GAR1: variants seen among roughly 807,000 people sequenced by gnomAD.
GAR1 encodes the protein GAR1 ribonucleoprotein, also known as H/ACA ribonucleoprotein complex subunit 1.
Under a neutral mutation model 29.3 loss-of-function variants are expected in GAR1, and 11 were observed. The observed-to-expected ratio is 0.38, with a 90% confidence interval of 0.24 to 0.62. GAR1 has a LOEUF of 0.62. Ranked by LOEUF, GAR1 falls within the 20% of genes least tolerant of loss-of-function variation. The pLI, the probability that GAR1 is intolerant of heterozygous loss-of-function variation, is 0.62. For missense variants in GAR1, 237 were observed against 268.4 expected (o/e 0.88, Z 0.82); for synonymous variants, 87 against 93.3 (o/e 0.93, Z 0.39).
At chr4:109,819,385 A>G in intron 4 of GAR1, 1 of 318,602 alleles carries the variant, frequency 3.1e-6, no homozygotes, top group Non-Finnish European at 5.8e-6. Flanking sequence ...TAATTTGTAA[A>G]ACTTACGTTA....
intron 2 of GAR1, among the ~76,000 whole-genome samples, chr4:109,816,697 T>C (rs1733362953): frequency 6.6e-6 from 1 of 152,178 alleles, no homozygotes; most frequent in South Asian, 2.1e-4. Context: ...CAATTAGTGA[T>C]ATAGCTGAAA....
intron 4 of GAR1, 197 bp downstream of exon 4, chr4:109,819,257 A>G: frequency 1.7e-6 from 1 of 577,550 alleles, no homozygotes; most frequent in South Asian, 2.1e-5. Flanking sequence ...TAGAAAGTAA[A>G]AATTACAACT....
Position 109,816,260 on chromosome 4 carries a change from A to C in GAR1, c.96A>C (p.Gly32=). ...RGGSSNHFRG[G]GGGGGGGNFR... Reference sequence around the variant, plus strand: ...GCAGCAGCAACCACTTCCGAGGTGGAGGCGGCGGTGGAGGCGGCGGCAATT... The same window carrying C: ...GCAGCAGCAACCACTTCCGAGGTGGCGGCGGCGGTGGAGGCGGCGGCAATT... Residue 32 remains glycine (G), a synonymous_variant, in exon 2 of 7, where the codon GGA becomes GGC. Transcript: ENST00000226796. The C allele has an allele frequency of 6.2e-7, 1 of 1,604,314 alleles. No individual in the cohort carries two copies. The highest frequency in any genetic ancestry group is 8.5e-7 in the Non-Finnish European group (1 of 1,175,376).
rs1231453746 is a variant in GAR1, at chr4:109,816,353, C to T, written c.189C>T (p.Asp63=). The T allele has an allele frequency of 6.2e-7, 1 of 1,613,898 alleles. No homozygotes were observed. Among genetic ancestry groups the T allele is most frequent in the Non-Finnish European group, 8.5e-7 (1 of 1,179,982 alleles). The change falls in exon 2 of 7, where the codon GAC becomes GAT. Residue 63 remains aspartate (D), a synonymous_variant. Transcript: ENST00000226796. ...GCGGAGGCTTTAACAAAGGCCAAGACCAAGGACCTCCAGAACGTGTAGTCT... is the reference window on the plus strand; with the variant it reads ...GCGGAGGCTTTAACAAAGGCCAAGATCAAGGACCTCCAGAACGTGTAGTCT... The part of the protein sequence containing the change: ...GGRGGFNKGQ[D]QGPPERVVLL...
Position 109,815,786 on chromosome 4 carries a change from A to G in GAR1, c.-31A>G. 1 of 257,528 alleles carries G rather than the reference A, an allele frequency of 3.9e-6. No individual in the cohort carries two copies. Among genetic ancestry groups the G allele is most frequent in the Non-Finnish European group, 7.5e-6 (1 of 133,394 alleles). 16.0% of individuals were successfully genotyped at this position (257,528 alleles called of 1,614,324 possible). On this transcript the variant is annotated 5_prime_UTR_variant, in exon 1 of 7. Transcript: ENST00000226796. ...TGGGTGTGTGCGCAAGGCCAGGGCCAGAGGGGCACGTGGCGCCGGTGAGTG... is the reference window on the plus strand; with the variant it reads ...TGGGTGTGTGCGCAAGGCCAGGGCCGGAGGGGCACGTGGCGCCGGTGAGTG...
intron 5 of GAR1, among the ~76,000 whole-genome samples, chr4:109,823,519 C>T (rs1191374481): frequency 1.3e-5 from 2 of 152,062 alleles, no homozygotes; most frequent in African/African-American, 4.8e-5. Context: ...TTAATCTTAA[C>T]TATCATATTT....
intron 3 of GAR1, 78 bp from the exon 4 acceptor site, chr4:109,818,923 G>T: frequency 2.8e-6 from 2 of 710,624 alleles, no homozygotes; most frequent in South Asian, 1.7e-5. Context: ...CCTTGTTTTT[G>T]AAATTATACA....
chr4:109,815,842 G>C lies in GAR1; in HGVS notation c.-13+38G>C, dbSNP rs1733332760. The C allele has an allele frequency of 1.4e-5, 5 of 350,116 alleles. No individual in the cohort carries two copies. In the South Asian group the frequency reaches 1.8e-4, roughly 13 times the overall value. The allele number at this position is 350,116 out of a possible 1,614,324, so 21.7% of individuals were successfully genotyped here. On this transcript the variant is annotated intron_variant, in intron 1 of 6. Transcript: ENST00000226796. ...AGAAGCCGGAGGATTTGAAAATGCT[G>C]GACGTGGAACCCAACTGCCGGAGGG... is the stretch of plus-strand genomic sequence containing the variant.
In GAR1 at chr4:109,824,413, A is replaced by C. The variant is rs756918571; in HGVS notation, c.641-5A>C. 6.3e-7 allele frequency: 1 copy of C among 1,581,810 alleles called. No homozygotes were observed. Among genetic ancestry groups the C allele is most frequent in the Non-Finnish European group, 8.7e-7 (1 of 1,150,924 alleles). On this transcript the variant is annotated splice_polypyrimidine_tract_variant and splice_region_variant and intron_variant, in intron 6 of 6. Coordinates refer to ENST00000226796, the MANE Select transcript of GAR1 (RefSeq NM_018983.4). ...CCCTTAATACTTTAATTTTCTCTTA[A>C]TCAGGGAGAGGACATTAAGTGAAAC...
chr4:109,819,240 C>T, intron 4 of GAR1, 180 bp downstream of exon 4: 2 of 620,908 alleles, frequency 3.2e-6, no homozygotes, highest in Non-Finnish European at 5.7e-6. Context: ...TTATTTGATA[C>T]AGCCTTTAGA....
At chr4:109,817,416 A>G (rs567072128) in intron 2 of GAR1, among the ~76,000 whole-genome samples, 1 of 152,320 alleles carries the variant, frequency 6.6e-6, no homozygotes, top group Admixed American at 6.5e-5. Context: ...CCTTGAAAAC[A>G]ATGAATCATT....
chr4:109,816,006 G>T, intron 1 of GAR1, 147 bp from the exon 2 acceptor site: 1 of 773,148 alleles, frequency 1.3e-6, no homozygotes. Flanking sequence ...CACCCATCAG[G>T]TTGGTGGTCA....
chr4:109,823,730 G>A (rs970290235), intron 5 of GAR1, among the ~76,000 whole-genome samples: 27 of 152,134 alleles, frequency 1.8e-4, no homozygotes, highest in Middle Eastern at 3.4e-3. Flanking sequence ...GGAATAATCT[G>A]GGGTTTTAGC....
At position 109,816,309 on chromosome 4, in the gene GAR1, T is replaced by C. The variant is rs1179902538; in HGVS notation, c.145T>C (p.Phe49Leu). The C allele has an allele frequency of 6.2e-7, 1 of 1,612,604 alleles. No individual in the cohort carries two copies. The highest frequency in any genetic ancestry group is 8.5e-7 in the Non-Finnish European group (1 of 1,179,508). Residue 49 changes from phenylalanine (F) to leucine (L), a missense_variant, in exon 2 of 7, where the codon TTT becomes CTT. Coordinates refer to ENST00000226796, the MANE Select transcript of GAR1 (RefSeq NM_018983.4). ...GNFRGGGRGG[F>L]GRGGGRGGFN... ...TTTCAGAGGCGGCGGCAGGGGAGGATTTGGACGAGGGGGTGGCCGCGGAGG... is the reference window on the plus strand; with the variant it reads ...TTTCAGAGGCGGCGGCAGGGGAGGACTTGGACGAGGGGGTGGCCGCGGAGG...
At chr4:109,816,110 G>T in intron 1 of GAR1, 43 bp from the exon 2 acceptor site, 11 of 1,566,648 alleles carry the variant, frequency 7.0e-6, no homozygotes, top group Non-Finnish European at 9.7e-6. Context: ...TATACTCAGA[G>T]GCTACAGTGA....
At chr4:109,823,317 C>T (rs1290260142) in intron 5 of GAR1, among the ~76,000 whole-genome samples, 1 of 152,132 alleles carries the variant, frequency 6.6e-6, no homozygotes, top group African/African-American at 2.4e-5. Context: ...TGGCGTTTCT[C>T]AATTTAATCA....
chr4:109,817,768 T>A (rs1007182616), intron 2 of GAR1, among the ~76,000 whole-genome samples, 168 bp from the exon 3 acceptor site: 17 of 152,210 alleles, frequency 1.1e-4, no homozygotes, highest in Non-Finnish European at 2.2e-4. Context: ...GCTAGTGTGT[T>A]GTGGAGTTGG....
At position 109,816,241 on chromosome 4, in the gene GAR1, G is replaced by A. The variant is rs1733346764; in HGVS notation, c.77G>A (p.Ser26Asn). Residue 26 changes from serine (S) to asparagine (N), a missense_variant, in exon 2 of 7, where the codon AGC becomes AAC. Ser to Asn is a conservative substitution (Grantham distance 46). Coordinates refer to ENST00000226796, the MANE Select transcript of GAR1 (RefSeq NM_018983.4). ...GGCGGCTTCAACCGAGGTGGCAGCA[G>A]CAACCACTTCCGAGGTGGAGGCGGC... The part of the protein sequence containing the change: ...GGGGFNRGGS[S>N]NHFRGGGGGG... 1.2e-6 allele frequency: 2 copies of A among 1,609,994 alleles called. No homozygotes were observed. Among genetic ancestry groups the A allele is most frequent in the East Asian group, 2.2e-5 (1 of 44,830 alleles).
At chr4:109,823,743 G>C (rs1346342780) in intron 5 of GAR1, among the ~76,000 whole-genome samples, 1 of 152,052 alleles carries the variant, frequency 6.6e-6, no homozygotes, top group Admixed American at 6.6e-5. Context: ...GTTTTAGCCT[G>C]TTGCCCAGTT....
Sources: gnomAD v4.1 joint callset for allele counts (sites outside exome capture counted in the v4.1 genomes callset) on GRCh38, gnomAD v4.1.1 for gene constraint, MANE v1.5 for transcripts, NCBI Gene and HGNC (gene_info 2026-07-23, HGNC 2026-07-21) for gene names.